The following TTC28 variants were observed in gnomAD, a reference collection of about 807,000 sequenced individuals.
The protein encoded by TTC28 is tetratricopeptide repeat domain 28.
A neutral mutation model predicts 198.0 loss-of-function variants in TTC28; 61 were observed. That is an observed-to-expected ratio of 0.31 (90% confidence interval 0.25 to 0.38). The LOEUF (loss-of-function observed/expected upper bound fraction) is 0.38. Ranked by LOEUF, TTC28 falls within the 10% of genes least tolerant of loss-of-function variation. The probability of loss-of-function intolerance (pLI) is 1.00; values close to 1 mark genes in which losing one functional copy is unlikely to be tolerated. For synonymous variants in TTC28, 1,171 were observed against 1,297.8 expected (o/e 0.90, Z 2.10); for missense variants, 2,678 against 3,164.0 (o/e 0.85, Z 3.69).
At chr22:28,232,754 TCTTA>T (rs1017333426) in intron 5 of TTC28, 2 of 152,216 alleles carry the variant, frequency 1.3e-5, no homozygotes, top group African/African-American at 4.8e-5. Context: ...TTTTTCTTTC[TCTTA>T]CTTAGGGTTC....
Position 28,465,355 on chromosome 22 carries a change from G to A in TTC28, c.382-158712C>T, listed in dbSNP as rs564670452. Among the ~76,000 whole-genome samples, 439 of 152,140 alleles carry A rather than the reference G, an allele frequency of 2.9e-3. 5 individuals are homozygous for A. Among genetic ancestry groups the A allele is most frequent in the Admixed American group, 2.8e-3 (43 of 15,286 alleles). On this transcript the variant is annotated intron_variant, in intron 2 of 22. Transcript: ENST00000397906. The stretch of plus-strand genomic sequence containing the variant: ...TATGCCTTATCCTGGGCCGGGCACC[G>A]TGGCTCACTCCTGTAATCCTAGCAC...
intron 12 of TTC28, among the ~76,000 whole-genome samples, chr22:28,049,624 A>T (rs1940004436): frequency 6.6e-6 from 1 of 152,080 alleles, no homozygotes; most frequent in Admixed American, 6.5e-5. Flanking sequence ...AGGGGTCATG[A>T]TGGCCCCACT....
chr22:28,613,053 T>C (rs2050845641), intron 2 of TTC28, among the ~76,000 whole-genome samples: 1 of 152,108 alleles, frequency 6.6e-6, no homozygotes, highest in South Asian at 2.1e-4. Context: ...AGCTGGTTTT[T>C]TGATAAGATC....
intron 5 of TTC28, among the ~76,000 whole-genome samples, chr22:28,295,119 C>T (rs980445296): frequency 6.6e-6 from 1 of 152,120 alleles, no homozygotes; most frequent in African/African-American, 2.4e-5. Context: ...AATAATATTG[C>T]CCAAAGTCCA....
intron 5 of TTC28, among the ~76,000 whole-genome samples, chr22:28,259,853 T>A (rs1174144025): frequency 6.6e-6 from 1 of 152,190 alleles, no homozygotes; most frequent in Non-Finnish European, 1.5e-5. Context: ...CATGGTCACA[T>A]GATTTCTCTC....
intron 6 of TTC28, among the ~76,000 whole-genome samples, chr22:28,109,043 A>C (rs1018419868): frequency 2.6e-5 from 4 of 152,252 alleles, no homozygotes; most frequent in Non-Finnish European, 5.9e-5. Flanking sequence ...GCAGCCTGGC[A>C]AGAACCACAA....
intron 2 of TTC28, among the ~76,000 whole-genome samples, chr22:28,628,405 A>T (rs1396703847): frequency 1.3e-5 from 2 of 152,172 alleles, no homozygotes; most frequent in East Asian, 3.8e-4. Flanking sequence ...ATTGTAGTCG[A>T]ATTAATATAT....
chr22:28,022,144 C>A (rs1398391525), intron 13 of TTC28, among the ~76,000 whole-genome samples: 3 of 152,242 alleles, frequency 2.0e-5, no homozygotes, highest in African/African-American at 7.2e-5. Context: ...CCTCTGCTCT[C>A]TGGGGAGCCG....
intron 2 of TTC28, among the ~76,000 whole-genome samples, chr22:28,388,058 C>T (rs2046644009): frequency 6.6e-6 from 1 of 152,200 alleles, no homozygotes. Context: ...CAGCTATCTA[C>T]ATATGGCTAG....
chr22:28,054,626 A>G (rs1362503695), intron 12 of TTC28, among the ~76,000 whole-genome samples: 1 of 152,098 alleles, frequency 6.6e-6, no homozygotes, highest in Non-Finnish European at 1.5e-5. Flanking sequence ...ATCCTGATAC[A>G]CAGCCAACGC....
chr22:28,065,160 T>C (rs904708946), intron 12 of TTC28, among the ~76,000 whole-genome samples: 1 of 152,180 alleles, frequency 6.6e-6, no homozygotes, highest in Non-Finnish European at 1.5e-5. Flanking sequence ...GACAGACTCT[T>C]ACCATGCTAG....
chr22:28,629,536 A>G lies in TTC28; in HGVS notation c.381+16T>C. On this transcript the variant is annotated intron_variant, in intron 2 of 22. Coordinates refer to ENST00000397906, the MANE Select transcript of TTC28 (RefSeq NM_001145418.2). The stretch of plus-strand genomic sequence containing the variant: ...AGATTCTATGAAAATAAATCTTCAT[A>G]GGTAAAAATTTCTACCTTTGGCCAC... 6.5e-7 allele frequency: 1 copy of G among 1,531,836 alleles called. No homozygotes were observed. The highest frequency in any genetic ancestry group is 8.8e-7 in the Non-Finnish European group (1 of 1,138,450). The allele number at this position is 1,531,836 out of a possible 1,614,324, so 94.9% of individuals were successfully genotyped here. A position where few individuals can be genotyped will look rare whatever the true frequency, so the allele number is the denominator to read the frequency against.
intron 1 of TTC28, among the ~76,000 whole-genome samples, chr22:28,675,541 C>T (rs565096355): frequency 4.6e-5 from 7 of 152,090 alleles, no homozygotes; most frequent in African/African-American, 1.2e-4. Flanking sequence ...CACTTGAGCC[C>T]AGGAGTTCCA....
At chr22:28,017,766 T>C (rs538143855) in intron 13 of TTC28, among the ~76,000 whole-genome samples, 67 of 152,252 alleles carry the variant, frequency 4.4e-4, no homozygotes, top group Middle Eastern at 3.4e-3. Context: ...AGGCTACCAG[T>C]TGTTTCCTAG....
chr22:28,129,591 C>T (rs1441082687), intron 6 of TTC28, among the ~76,000 whole-genome samples: 1 of 152,176 alleles, frequency 6.6e-6, no homozygotes, highest in East Asian at 1.9e-4. Flanking sequence ...GTATTACCTC[C>T]CTCACGAGGT....
intron 13 of TTC28, among the ~76,000 whole-genome samples, chr22:28,025,820 T>C (rs1938808559): frequency 6.6e-6 from 1 of 152,140 alleles, no homozygotes; most frequent in South Asian, 2.1e-4. Flanking sequence ...CAGTTAGTTA[T>C]GACGGCACCA....
At chr22:28,167,399 G>T (rs1333895231) in intron 5 of TTC28, among the ~76,000 whole-genome samples, 1 of 152,176 alleles carries the variant, frequency 6.6e-6, no homozygotes, top group Non-Finnish European at 1.5e-5. Flanking sequence ...TATCCCTGAT[G>T]AACATTGATG....
At chr22:28,468,875 T>C (rs1415599404) in intron 2 of TTC28, among the ~76,000 whole-genome samples, 1 of 151,952 alleles carries the variant, frequency 6.6e-6, no homozygotes, top group Non-Finnish European at 1.5e-5. Flanking sequence ...TAAGACTGGC[T>C]CTCATTTGGT....
chr22:28,215,110 C>T (rs1601487863), intron 5 of TTC28, among the ~76,000 whole-genome samples: 2 of 151,958 alleles, frequency 1.3e-5, no homozygotes, highest in Admixed American at 1.3e-4. Flanking sequence ...GGGTGGGGAA[C>T]ATCACACACC....
Sources: allele counts gnomAD v4.1 joint callset (sites outside exome capture counted in the v4.1 genomes callset), GRCh38; gene constraint gnomAD v4.1.1; transcripts MANE v1.5; gene names NCBI Gene and HGNC (gene_info 2026-07-23, HGNC 2026-07-21).